USH2A: variants seen among roughly 807,000 people sequenced by gnomAD.
USH2A encodes usherin.
A neutral mutation model predicts 538.9 loss-of-function variants in USH2A; 443 were observed. The observed-to-expected ratio is 0.82, with a 90% CI of 0.76 to 0.89. The LOEUF is 0.89. Ranked by LOEUF, USH2A falls within the 40% of genes least tolerant of loss-of-function variation. The probability of loss-of-function intolerance (pLI) is 0.00; values close to 1 mark genes in which losing one functional copy is unlikely to be tolerated. For synonymous variants in USH2A, 2,413 were observed against 2,273.5 expected, an observed-to-expected ratio of 1.06 and a Z score of -1.75; for missense variants, 6,633 against 6,324.8, an observed-to-expected ratio of 1.05 and a Z score of -1.65.
At chr1:216,229,174 C>CA (rs564440173) in intron 14 of USH2A, among the ~76,000 whole-genome samples, 2,516 of 143,784 alleles carry the variant, frequency 0.017, 22 homozygotes, top group South Asian at 0.044. Flanking sequence ...AGACTCTGTC[C>CA]AAAAAAAAAA....
chr1:216,162,110 A>G (rs1461943046), intron 21 of USH2A, among the ~76,000 whole-genome samples: 5 of 151,982 alleles, frequency 3.3e-5, no homozygotes, highest in Non-Finnish European at 7.4e-5. Flanking sequence ...ATATTTGGCT[A>G]TTCTACAATA....
chr1:215,666,941 A>G (rs941195772), intron 64 of USH2A, among the ~76,000 whole-genome samples: 1 of 151,954 alleles, frequency 6.6e-6, no homozygotes, highest in African/African-American at 2.4e-5. Flanking sequence ...AATACAAAAA[A>G]CTAGCTGGGC....
chr1:216,080,626 G>T (rs2031910854), intron 26 of USH2A, among the ~76,000 whole-genome samples: 1 of 151,580 alleles, frequency 6.6e-6, no homozygotes, highest in Non-Finnish European at 1.5e-5. Context: ...ACAGACAAAA[G>T]AAAAAACACT....
At chr1:216,125,718 A>G (rs923259237) in intron 21 of USH2A, among the ~76,000 whole-genome samples, 10 of 152,134 alleles carry the variant, frequency 6.6e-5, no homozygotes, top group Admixed American at 5.9e-4. Flanking sequence ...GGACAGATAG[A>G]TGGGGTGGAA....
intron 19 of USH2A, among the ~76,000 whole-genome samples, chr1:216,193,340 T>C (rs186565402): frequency 6.6e-6 from 1 of 152,176 alleles, no homozygotes; most frequent in East Asian, 1.9e-4. Context: ...ATGAGATAAT[T>C]GCAAATGAGT....
rs1000053289 is a variant in USH2A at position 215,624,389 on chromosome 1, G to A, written c.*1392C>T. 4 of 152,072 alleles carry A rather than the reference G, an allele frequency of 2.6e-5. No individual in the cohort carries two copies. The highest frequency in any genetic ancestry group is 7.2e-5 in the African/African-American group (3 of 41,422). 9.4% of individuals were successfully genotyped at this position (152,072 alleles called of 1,614,324 possible). On this transcript the variant is annotated 3_prime_UTR_variant, in exon 72 of 72. Coordinates refer to ENST00000307340, the MANE Select transcript of USH2A (RefSeq NM_206933.4). ...AATACATTGTTTTCAGGCAGAATAAGTAAGACTATCCCTTACTTTACAAGT... is the reference window on the plus strand; with the variant it reads ...AATACATTGTTTTCAGGCAGAATAAATAAGACTATCCCTTACTTTACAAGT...
At chr1:215,958,386 G>A (rs938277302) in intron 37 of USH2A, among the ~76,000 whole-genome samples, 2 of 152,028 alleles carry the variant, frequency 1.3e-5, no homozygotes, top group Non-Finnish European at 2.9e-5. Context: ...AGGATTTTTC[G>A]GAACTGTAGT....
chr1:216,097,128 T>C lies in USH2A; in HGVS notation c.4713A>G (p.Ala1571=), dbSNP rs748794689. The change falls in exon 22 of 72, where the codon GCA becomes GCG. Residue 1571 remains alanine, a synonymous_variant. Coordinates refer to ENST00000307340, the MANE Select transcript of USH2A (RefSeq NM_206933.4). ...AAAGACGTCCCTTCTTCAACTGAAG[T>C]GCAAAATACTCTTCCTGATTGCCAG... ...ASPGNQEEYF[A]LQLKKGRLYF... is the part of the protein sequence containing the mutation. 6.2e-7 allele frequency: 1 copy of C among 1,614,008 alleles called. No individual in the cohort carries two copies. Among genetic ancestry groups the C allele is most frequent in the African/African-American group, 1.3e-5 (1 of 74,922 alleles).
intron 38 of USH2A, among the ~76,000 whole-genome samples, chr1:215,919,221 C>T (rs546628244): frequency 6.6e-6 from 1 of 152,192 alleles, no homozygotes; most frequent in South Asian, 2.1e-4. Context: ...CTTCAGGAAT[C>T]AGCAGCCATT....
At chr1:216,216,128 C>G (rs577531133) in intron 15 of USH2A, among the ~76,000 whole-genome samples, 1 of 152,136 alleles carries the variant, frequency 6.6e-6, no homozygotes, top group Admixed American at 6.6e-5. Context: ...ACAAAGCAAT[C>G]AATTGTATTG....
At chr1:216,108,480 G>A (rs1176314084) in intron 21 of USH2A, among the ~76,000 whole-genome samples, 15 of 151,176 alleles carry the variant, frequency 9.9e-5, no homozygotes, top group Non-Finnish European at 3.0e-5. Flanking sequence ...AATTCATTGA[G>A]CTTCTTGCAT....
chr1:216,046,006 GGTGTGTGT>G (rs59426829), intron 32 of USH2A, among the ~76,000 whole-genome samples: 2,326 of 137,726 alleles, frequency 0.017, 54 homozygotes, highest in African/African-American at 0.049. Context: ...CTATTTATCT[GGTGTGTGT>G]GTGTGTGTGT....
At chr1:215,801,362 CATG>C (rs1028422977) in intron 49 of USH2A, among the ~76,000 whole-genome samples, 2 of 146,930 alleles carry the variant, frequency 1.4e-5, no homozygotes, top group African/African-American at 5.0e-5. Flanking sequence ...TCTCAGACAA[CATG>C]ATATCATATA....
chr1:216,246,765 G>GTGTGAC lies in USH2A; in HGVS notation c.2628_2629insGTCACA (p.Gly876_Leu877insValThr). 6.2e-7 allele frequency: 1 copy of GTGTGAC among 1,614,098 alleles called. No individual in the cohort carries two copies. ...TGAGGCTCACACTGATTACAGCGAA[G>GTGTGAC]ACCTGTTACCCCTAATTTGCAAGGA... On this transcript the variant is annotated inframe_insertion, in exon 13 of 72. Transcript: ENST00000307340.
rs567777933 is a variant in USH2A at position 216,012,491 on chromosome 1, A to C, written c.6326-11929T>G. Among the ~76,000 whole-genome samples the C allele has an allele frequency of 5.1e-4, 78 of 152,196 alleles. 1 individual carries two copies. Among genetic ancestry groups the C allele is most frequent in the Middle Eastern group, 3.4e-3 (1 of 294 alleles). On this transcript the variant is annotated intron_variant, in intron 32 of 71. Transcript: ENST00000307340. ...CTTTCCTACAGGGTCTGAGAAGGCCACCGCAGTCATTTCTTCCCTTCTGTC... is the reference window on the plus strand; with the variant it reads ...CTTTCCTACAGGGTCTGAGAAGGCCCCCGCAGTCATTTCTTCCCTTCTGTC...
At chr1:216,114,133 TTATA>T in intron 21 of USH2A, among the ~76,000 whole-genome samples, 1 of 152,002 alleles carries the variant, frequency 6.6e-6, no homozygotes, top group Middle Eastern at 3.5e-3. Flanking sequence ...ATAGTACTTA[TTATA>T]TATTTAATTG....
intron 32 of USH2A, among the ~76,000 whole-genome samples, chr1:216,038,428 T>C (rs1364531721): frequency 6.6e-6 from 1 of 152,016 alleles, no homozygotes; most frequent in Non-Finnish European, 1.5e-5. Context: ...TTTATTTTGG[T>C]GGAAAAAATT....
At chr1:215,814,197 T>C in intron 48 of USH2A, among the ~76,000 whole-genome samples, 1 of 145,666 alleles carries the variant, frequency 6.9e-6, no homozygotes, top group East Asian at 2.1e-4. Flanking sequence ...TCTTTTATTT[T>C]ATTATATAAA....
chr1:215,886,333 G>A (rs1412526436), intron 41 of USH2A, among the ~76,000 whole-genome samples: 1 of 152,140 alleles, frequency 6.6e-6, no homozygotes, highest in Admixed American at 6.5e-5. Context: ...CTGTTTACCA[G>A]CTAAGCTATA....
Sources: allele counts gnomAD v4.1 joint callset (sites outside exome capture counted in the v4.1 genomes callset), GRCh38; gene constraint gnomAD v4.1.1; transcripts MANE v1.5; gene names NCBI Gene and HGNC (gene_info 2026-07-23, HGNC 2026-07-21).